Variants in MPHOSPH6 observed in about 807,000 individuals in gnomAD.
The protein encoded by MPHOSPH6 is M-phase phosphoprotein 6.
MPHOSPH6 carries 25 observed loss-of-function variants against 21.8 expected under a neutral mutation model. The ratio of observed to expected loss-of-function variants is 1.15; its 90% CI spans 0.83 to 1.60. The LOEUF (loss-of-function observed/expected upper bound fraction) is 1.60. Among genes scored for constraint, MPHOSPH6 ranks in the 40% most tolerant of loss-of-function variants. The pLI, the probability that MPHOSPH6 is intolerant of heterozygous loss-of-function variation, is 0.00. For missense variants in MPHOSPH6, 269 were observed against 181.8 expected (o/e 1.48, Z -2.76); for synonymous variants, 84 against 56.5 (o/e 1.49, Z -2.18).
intron 2 of MPHOSPH6, among the ~76,000 whole-genome samples, chr16:82,158,365 G>A (rs1254541932): frequency 4.0e-5 from 6 of 151,386 alleles, no homozygotes; most frequent in Non-Finnish European, 8.9e-5. Flanking sequence ...TGGGCATAGC[G>A]GCGGGTGCCT....
chr16:82,150,111 A>G (rs1207458872), intron 3 of MPHOSPH6, among the ~76,000 whole-genome samples: 1 of 152,020 alleles, frequency 6.6e-6, no homozygotes, highest in Non-Finnish European at 1.5e-5. Flanking sequence ...GGCTTAAAAG[A>G]GTGATAATAG....
intron 2 of MPHOSPH6, among the ~76,000 whole-genome samples, chr16:82,153,679 G>C (rs995315365): frequency 4.6e-5 from 7 of 152,204 alleles, no homozygotes; most frequent in Non-Finnish European, 8.8e-5. Context: ...TGACCATGAA[G>C]CTGCACATGT....
At chr16:82,169,701 TGAG>T (rs1399821707) in intron 1 of MPHOSPH6, among the ~76,000 whole-genome samples, 1 of 152,222 alleles carries the variant, frequency 6.6e-6, no homozygotes, top group Non-Finnish European at 1.5e-5. Flanking sequence ...TTTTTAAAGA[TGAG>T]GAAAAGAGAT....
At chr16:82,164,582 C>A (rs1906706247) in intron 1 of MPHOSPH6, 1 of 168,036 alleles carries the variant, frequency 6.0e-6, no homozygotes, top group Admixed American at 6.2e-5. Flanking sequence ...AGCTACTAGA[C>A]TTCTATGAGT....
chr16:82,165,567 T>C (rs771689580), intron 1 of MPHOSPH6, among the ~76,000 whole-genome samples: 1 of 152,192 alleles, frequency 6.6e-6, no homozygotes, highest in Non-Finnish European at 1.5e-5. Context: ...CAAAATGATG[T>C]TTGGTCGACG....
At chr16:82,157,295 C>G (rs1356081745) in intron 2 of MPHOSPH6, among the ~76,000 whole-genome samples, 4 of 152,158 alleles carry the variant, frequency 2.6e-5, no homozygotes, top group Non-Finnish European at 5.9e-5. Context: ...CGTGGTGTAT[C>G]TGTAAAATGA....
chr16:82,164,424 C>T (rs955130039), intron 1 of MPHOSPH6, among the ~76,000 whole-genome samples: 2 of 152,194 alleles, frequency 1.3e-5, no homozygotes, highest in African/African-American at 2.4e-5. Context: ...ATATTTCCTT[C>T]GGAAAACTTA....
intron 1 of MPHOSPH6, among the ~76,000 whole-genome samples, chr16:82,169,846 G>C (rs576578826): frequency 4.7e-4 from 71 of 152,234 alleles, no homozygotes; most frequent in African/African-American, 1.7e-3. Flanking sequence ...GGTCCCCAGC[G>C]CTTCTACCCT....
chr16:82,169,224 C>A (rs1337046633), intron 1 of MPHOSPH6, among the ~76,000 whole-genome samples: 2 of 152,236 alleles, frequency 1.3e-5, no homozygotes, highest in Non-Finnish European at 2.9e-5. Context: ...CACGTTGTGA[C>A]CATTGCCTAC....
intron 2 of MPHOSPH6, among the ~76,000 whole-genome samples, chr16:82,153,476 C>G (rs1040381475): frequency 2.6e-5 from 4 of 152,188 alleles, no homozygotes; most frequent in Non-Finnish European, 5.9e-5. Flanking sequence ...GAGTGGGGGA[C>G]TCACACAAAA....
chr16:82,165,118 TTTATTTTTTTTTTTA>T lies in MPHOSPH6; in HGVS notation c.52-939_52-925del, dbSNP rs1357765863. Among the ~76,000 whole-genome samples the T allele has an allele frequency of 1.0e-3, 55 of 52,874 alleles. 6 individuals are homozygous for T. Among genetic ancestry groups the T allele is most frequent in the African/African-American group, 3.1e-3 (25 of 8,150 alleles). The allele number at this position is 52,874 out of a possible 152,430, so 34.7% of individuals were successfully genotyped here. A position where few individuals can be genotyped will look rare whatever the true frequency, so the allele number is the denominator to read the frequency against. ...CCTTATTCAGGTCCGATATTTCTTTTTTATTTTTTTTTTTATTTTTTTTTTTTGAGACAGAGTCTC... is the reference window on the plus strand; with the variant it reads ...CCTTATTCAGGTCCGATATTTCTTTTTTTTTTTTTTTTGAGACAGAGTCTC... On this transcript the variant is annotated intron_variant, in intron 1 of 4. Coordinates refer to ENST00000258169, the MANE Select transcript of MPHOSPH6 (RefSeq NM_005792.2).
chr16:82,156,742 G>C (rs756599974), intron 2 of MPHOSPH6, among the ~76,000 whole-genome samples: 3 of 152,162 alleles, frequency 2.0e-5, no homozygotes, highest in Admixed American at 6.5e-5. Context: ...CAAAACTTGA[G>C]TATGAATGTC....
chr16:82,150,818 C>T (rs1194340154), intron 3 of MPHOSPH6, among the ~76,000 whole-genome samples: 2 of 152,204 alleles, frequency 1.3e-5, no homozygotes, highest in Non-Finnish European at 2.9e-5. Context: ...ATTTATATCT[C>T]ATGTGTCCAT....
At chr16:82,153,754 C>A (rs545518570) in intron 2 of MPHOSPH6, among the ~76,000 whole-genome samples, 5 of 152,244 alleles carry the variant, frequency 3.3e-5, no homozygotes, top group Admixed American at 1.3e-4. Context: ...GGGAGAACAC[C>A]TGCTGCATTA....
At chr16:82,159,120 G>C (rs1415270501) in intron 2 of MPHOSPH6, among the ~76,000 whole-genome samples, 1 of 152,174 alleles carries the variant, frequency 6.6e-6, no homozygotes, top group African/African-American at 2.4e-5. Flanking sequence ...TGTATCACCT[G>C]TGTGAGGGGG....
intron 1 of MPHOSPH6, 127 bp from the exon 2 acceptor site, chr16:82,164,321 T>C: frequency 1.5e-6 from 1 of 652,510 alleles, no homozygotes; most frequent in Non-Finnish European, 2.6e-6. Context: ...AGATTGAGGG[T>C]TGGGGCAAGT....
At chr16:82,158,328 A>C (rs1265234967) in intron 2 of MPHOSPH6, among the ~76,000 whole-genome samples, 1 of 148,046 alleles carries the variant, frequency 6.8e-6, no homozygotes, top group Non-Finnish European at 1.5e-5. Flanking sequence ...CTCTACTAAA[A>C]AAATACAAAA....
intron 1 of MPHOSPH6, among the ~76,000 whole-genome samples, chr16:82,168,113 T>G (rs1478525644): frequency 7.8e-6 from 1 of 127,540 alleles, no homozygotes; most frequent in Non-Finnish European, 1.8e-5. Flanking sequence ...GTCTCCCCAT[T>G]TGGTGGGGGT....
chr16:82,154,608 T>C (rs551331291), intron 2 of MPHOSPH6, among the ~76,000 whole-genome samples: 15 of 150,004 alleles, frequency 1.0e-4, no homozygotes, highest in Non-Finnish European at 1.5e-4. Context: ...AATTAAGAAA[T>C]AGAGACTGCA....
Sources: allele counts gnomAD v4.1 joint callset (sites outside exome capture counted in the v4.1 genomes callset), GRCh38; gene constraint gnomAD v4.1.1; transcripts MANE v1.5; gene names NCBI Gene and HGNC (gene_info 2026-07-23, HGNC 2026-07-21).